MOV10L1: variants seen among roughly 807,000 people sequenced by gnomAD.
The protein encoded by MOV10L1 is Mov10 like RNA helicase 1.
Under a neutral mutation model 143.8 loss-of-function variants are expected in MOV10L1, and 110 were observed. The observed-to-expected ratio is 0.76, with a 90% CI of 0.66 to 0.90. The LOEUF is 0.90. MOV10L1 is among the 40% of genes least tolerant of loss of function. MOV10L1 has a pLI of 0.00. For missense variants in MOV10L1, 1,406 were observed against 1,526.8 expected (o/e 0.92, Z 1.32); for synonymous variants, 593 against 581.1 (o/e 1.02, Z -0.29).
chr22:50,133,680 A>G (rs898852114), intron 13 of MOV10L1, among the ~76,000 whole-genome samples: 14 of 152,044 alleles, frequency 9.2e-5, no homozygotes, highest in Admixed American at 5.2e-4. Flanking sequence ...AGCTGGGATT[A>G]CAGGCGTGCA....
intron 6 of MOV10L1, 87 bp downstream of exon 6, chr22:50,113,875 C>A: frequency 7.5e-5 from 74 of 981,058 alleles, no homozygotes; most frequent in South Asian, 1.5e-4. Flanking sequence ...ACCAACTTTA[C>A]TTTGGTCATT....
intron 17 of MOV10L1, chr22:50,143,432 C>A: frequency 1.7e-6 from 1 of 580,646 alleles, no homozygotes; most frequent in Non-Finnish European, 3.0e-6. Context: ...TCATTTTTAG[C>A]CTGGTAAACT....
intron 12 of MOV10L1, 96 bp downstream of exon 12, chr22:50,126,368 C>A: frequency 1.2e-6 from 1 of 806,690 alleles, no homozygotes; most frequent in Non-Finnish European, 2.0e-6. Flanking sequence ...GGAGATGCTC[C>A]CATATGCATT....
At position 50,150,843 on chromosome 22, in the gene MOV10L1, G is replaced by A. The variant is rs1287832290; in HGVS notation, c.2836G>A (p.Ala946Thr). ...TTTGGAACGGCTGATGTCTCGACCC[G>A]CGTACCAGAGGGACGAAAATGCTTT... ...SFLERLMSRPAYQRDENAFGA... is the reference protein window; with the variant it reads ...SFLERLMSRPTYQRDENAFGA... Residue 946 changes from alanine (A) to threonine (T), a missense_variant, in exon 21 of 27, where the codon GCG becomes ACG. By Grantham distance (58) the Ala-to-Thr change is moderately conservative. Transcript: ENST00000262794. The A allele has an allele frequency of 4.0e-5, 65 of 1,614,182 alleles. No homozygotes were observed. Among genetic ancestry groups the A allele is most frequent in the East Asian group, 8.9e-5 (4 of 44,890 alleles).
intron 22 of MOV10L1, among the ~76,000 whole-genome samples, chr22:50,156,758 G>C (rs919520413): frequency 6.6e-6 from 1 of 152,168 alleles, no homozygotes; most frequent in Non-Finnish European, 1.5e-5. Flanking sequence ...CATACTTGGC[G>C]TATCAGTTCA....
At chr22:50,135,823 G>A (rs536782339) in intron 15 of MOV10L1, among the ~76,000 whole-genome samples, 1 of 151,266 alleles carries the variant, frequency 6.6e-6, no homozygotes, top group African/African-American at 2.4e-5. Context: ...TACATGCCAG[G>A]TATTGTCCTG....
chr22:50,135,095 C>T (rs933634737), intron 15 of MOV10L1, among the ~76,000 whole-genome samples: 4 of 151,646 alleles, frequency 2.6e-5, no homozygotes, highest in African/African-American at 9.7e-5. Flanking sequence ...CTCACTGCAA[C>T]CTCTGCCTCC....
chr22:50,151,681 G>A (rs927736915), intron 21 of MOV10L1, among the ~76,000 whole-genome samples: 4 of 152,242 alleles, frequency 2.6e-5, no homozygotes, highest in Non-Finnish European at 4.4e-5. Context: ...GTCCCCCGGA[G>A]GTTCGCCTCA....
Position 50,114,482 on chromosome 22 carries a change from G to A in MOV10L1, c.986G>A (p.Cys329Tyr). Residue 329 changes from cysteine to tyrosine, a missense_variant, in exon 7 of 27, where the codon TGC becomes TAC. By Grantham distance (194) the Cys-to-Tyr change is radical. This residue lies in a region of MOV10L1 where 1,233 missense variants were observed against 1,351.4 expected (regional missense o/e 0.91). Coordinates refer to ENST00000262794, the MANE Select transcript of MOV10L1 (RefSeq NM_018995.3). ...RFQMLDKDQMCPVVSFVSVPE... is the reference protein window; with the variant it reads ...RFQMLDKDQMYPVVSFVSVPE... The stretch of plus-strand genomic sequence containing the variant: ...CAAATGCTGGATAAAGACCAGATGT[G>A]CCCCGTGGTATCTTTTGTTTCTGTT... The A allele has an allele frequency of 6.2e-7, 1 of 1,614,186 alleles. No homozygotes were observed. The highest frequency in any genetic ancestry group is 8.5e-7 in the Non-Finnish European group (1 of 1,180,030).
intron 1 of MOV10L1, chr22:50,090,656 G>A: frequency 7.6e-6 from 8 of 1,049,818 alleles, no homozygotes; most frequent in Non-Finnish European, 1.1e-5. Flanking sequence ...TGCCCTCACC[G>A]TTCCTTTCTC....
intron 15 of MOV10L1, among the ~76,000 whole-genome samples, chr22:50,141,429 A>G (rs191317743): frequency 1.1e-3 from 168 of 151,560 alleles, no homozygotes; most frequent in African/African-American, 3.9e-3. Context: ...CCTGGGCTCA[A>G]GTGATCCTCC....
Position 50,159,823 on chromosome 22 carries a change from G to T in MOV10L1, c.3324+38G>T. 1 of 1,408,470 alleles carries T rather than the reference G, an allele frequency of 7.1e-7. No homozygotes were observed. Among genetic ancestry groups the T allele is most frequent in the Non-Finnish European group, 1.0e-6 (1 of 998,198 alleles). The allele number at this position is 1,408,470 out of a possible 1,614,324, so 87.2% of individuals were successfully genotyped here. On this transcript the variant is annotated intron_variant, in intron 24 of 26. Transcript: ENST00000262794. This position sits in a 1 kb window ranked among gnomAD's most constrained non-coding sequence, Gnocchi z 4.1. ...GTTCTCCGTGGGGATGGACAGTCAG[G>T]TGCTTGCTGCCCTGGGGGTTCTGGG...
chr22:50,147,867 T>C (rs577821944), intron 19 of MOV10L1, among the ~76,000 whole-genome samples: 8 of 152,240 alleles, frequency 5.3e-5, no homozygotes, highest in African/African-American at 1.9e-4. Flanking sequence ...TGGGAGGGGT[T>C]CACGGTGTCA....
In MOV10L1 at chr22:50,149,658, G is replaced by T. The variant is rs766386252; in HGVS notation, c.2671G>T (p.Ala891Ser). The T allele has an allele frequency of 2.5e-6, 4 of 1,614,154 alleles. No homozygotes were observed. In the East Asian group the frequency reaches 6.7e-5, roughly 27 times the overall value. ...THVFVDEAGQASEPECLIPLG... is the reference protein window; with the variant it reads ...THVFVDEAGQSSEPECLIPLG... ...CGTGTTTGTGGACGAGGCTGGGCAGGCAAGTGAGCCGGAATGCCTCATTCC... is the reference window on the plus strand; with the variant it reads ...CGTGTTTGTGGACGAGGCTGGGCAGTCAAGTGAGCCGGAATGCCTCATTCC... The change falls in exon 20 of 27, where the codon GCA (alanine) becomes TCA (serine). Residue 891 changes from alanine (A) to serine (S), a missense_variant. Around this residue, in one of 3 missense-constraint regions of MOV10L1, gnomAD observed 1,233 missense variants for 1,351.4 expected, o/e 0.91. Transcript: ENST00000262794.
chr22:50,138,746 C>G (rs2062900689), intron 15 of MOV10L1, among the ~76,000 whole-genome samples: 1 of 152,054 alleles, frequency 6.6e-6, no homozygotes, highest in African/African-American at 2.4e-5. Context: ...GCTCTGTTGC[C>G]CAGGCCGAGG....
At chr22:50,143,370 T>C (rs2063045615) in intron 17 of MOV10L1, 149 bp downstream of exon 17, 1 of 916,762 alleles carries the variant, frequency 1.1e-6, no homozygotes, top group African/African-American at 1.6e-5. Flanking sequence ...TAAGTCTGTT[T>C]TTGTGGATAT....
intron 13 of MOV10L1, among the ~76,000 whole-genome samples, chr22:50,130,661 G>C (rs2062646385): frequency 6.9e-6 from 1 of 144,016 alleles, no homozygotes. Context: ...GGAAGGAAGG[G>C]GCAGCTGTGT....
At chr22:50,090,709 T>A in intron 1 of MOV10L1, 1 of 687,938 alleles carries the variant, frequency 1.5e-6, no homozygotes, top group Non-Finnish European at 2.5e-6. Context: ...GGAGTTTCGC[T>A]CTTGTTGCCC....
At chr22:50,118,265 C>A (rs980426247) in intron 9 of MOV10L1, among the ~76,000 whole-genome samples, 1 of 151,838 alleles carries the variant, frequency 6.6e-6, no homozygotes, top group African/African-American at 2.4e-5. Flanking sequence ...AGCTGTGTGA[C>A]CTTGGGCAAG....
Sources: allele counts gnomAD v4.1 joint callset (sites outside exome capture counted in the v4.1 genomes callset), GRCh38; gene constraint gnomAD v4.1.1; regional missense constraint gnomAD v4.1.1; non-coding constraint Gnocchi (gnomAD v3.1); transcripts MANE v1.5; gene names NCBI Gene and HGNC (gene_info 2026-07-23, HGNC 2026-07-21).